Variants in TALDO1 observed in about 807,000 individuals in gnomAD.
The protein encoded by TALDO1 is transaldolase.
A neutral mutation model predicts 38.1 loss-of-function variants in TALDO1; 29 were observed. That is an observed-to-expected ratio of 0.76 (90% CI 0.57 to 1.04). TALDO1 has a LOEUF of 1.04. TALDO1 is among the 50% of genes least tolerant of loss of function. The pLI is 0.00. For missense variants in TALDO1, 499 were observed against 438.1 expected (o/e 1.14, Z -1.24); for synonymous variants, 207 against 176.8 (o/e 1.17, Z -1.36).
chr11:758,407 A>G (rs1418749986), intron 2 of TALDO1, among the ~76,000 whole-genome samples: 8 of 151,876 alleles, frequency 5.3e-5, no homozygotes, highest in Admixed American at 1.3e-4. Flanking sequence ...TAATCACACT[A>G]CTGTGCTTCC....
chr11:755,473 G>C (rs1301391808), intron 1 of TALDO1, among the ~76,000 whole-genome samples: 5 of 152,152 alleles, frequency 3.3e-5, no homozygotes, highest in Non-Finnish European at 7.4e-5. Flanking sequence ...TGTTGCAGCT[G>C]GGTATGGTGA....
intron 3 of TALDO1, 33 bp downstream of exon 3, chr11:759,090 G>T (rs1862890491): frequency 6.3e-7 from 1 of 1,582,258 alleles, no homozygotes. Flanking sequence ...TGGATGGGCT[G>T]GTCAGGTGTC....
chr11:764,030 C>T (rs1863006517), intron 6 of TALDO1, 86 bp downstream of exon 6: 3 of 1,514,604 alleles, frequency 2.0e-6, no homozygotes, highest in African/African-American at 1.4e-5. Context: ...ATCCCTCCCA[C>T]CTGTGGGGCG....
intron 2 of TALDO1, among the ~76,000 whole-genome samples, chr11:757,289 AT>A (rs555623617): frequency 0.12 from 16,665 of 135,484 alleles, 1,134 homozygotes; most frequent in African/African-American, 0.23. Context: ...ATGGCCCCAA[AT>A]TTTTTTTTTT....
Position 755,997 on chromosome 11 carries a change from G to T in TALDO1, c.216G>T (p.Leu72=). The change falls in exon 2 of 8, where the codon CTG becomes CTT. Residue 72 remains leucine (L), a synonymous_variant. Transcript: ENST00000319006. Reference sequence around the variant, plus strand: ...AGGCGATTGCCTATGGCCGGAAGCTGGGCGGGTGAGTGCCTGGACTCGGGA... The same window carrying T: ...AGGCGATTGCCTATGGCCGGAAGCTTGGCGGGTGAGTGCCTGGACTCGGGA... ...VEEAIAYGRK[L]GGSQEDQIKN... 1 of 1,612,844 alleles carries T rather than the reference G, an allele frequency of 6.2e-7. No individual in the cohort carries two copies. Among genetic ancestry groups the T allele is most frequent in the South Asian group, 1.1e-5 (1 of 90,924 alleles).
At position 755,901 on chromosome 11, in the gene TALDO1, G is replaced by A. The variant is rs774210869; in HGVS notation, c.120G>A (p.Gln40=). The change falls in exon 2 of 8, where the codon CAG becomes CAA. Residue 40 remains glutamine, a synonymous_variant. Coordinates refer to ENST00000319006, the MANE Select transcript of TALDO1 (RefSeq NM_006755.2). ...TAGCCATCGACGAGTACAAGCCCCA[G>A]GATGCTACCACCAACCCGTCCCTGA... ...DFHAIDEYKP[Q]DATTNPSLIL... is the part of the protein sequence containing the mutation. 2 of 1,614,064 alleles carry A rather than the reference G, an allele frequency of 1.2e-6. No homozygotes were observed. The highest frequency in any genetic ancestry group is 2.7e-5 in the African/African-American group (2 of 74,932).
rs765835310 is a variant in TALDO1 at position 763,756 on chromosome 11, G to C, written c.647G>C (p.Ser216Thr). Residue 216 changes from serine (S) to threonine (T), a missense_variant, in exon 6 of 8, where the codon AGT becomes ACT. By Grantham distance (58) the Ser-to-Thr change is moderately conservative. Coordinates refer to ENST00000319006, the MANE Select transcript of TALDO1 (RefSeq NM_006755.2). ...YEPLEDPGVK[S>T]VTKIYNYYKK... ...CTTGGTCTCTTTCCAGGGGTAAAGA[G>C]TGTCACTAAAATCTACAACTACTAC... 2.5e-6 allele frequency: 4 copies of C among 1,614,032 alleles called. No homozygotes were observed. Among genetic ancestry groups the C allele is most frequent in the Non-Finnish European group, 2.5e-6 (3 of 1,180,026 alleles).
rs775352129 is a variant in TALDO1 at position 759,042 on chromosome 11, C to T, written c.314C>T (p.Thr105Ile). 3.6e-5 allele frequency: 58 copies of T among 1,612,242 alleles called. No individual in the cohort carries two copies. The Middle Eastern group carries it at 6.6e-4, about 18-fold the overall frequency. ...ILKKIPGRVS[T>I]EVDARLSFDK... ...AAGAAGATTCCGGGCCGAGTATCCA[C>T]AGAAGTAGACGCAAGGTAAGGATGC... Residue 105 changes from threonine to isoleucine, a missense_variant, in exon 3 of 8, where the codon ACA (threonine) becomes ATA (isoleucine). Physicochemically the swap from Thr to Ile is moderately conservative, Grantham distance 89 (BLOSUM62 -1). Transcript: ENST00000319006.
In TALDO1 at chr11:764,459, A is replaced by G. The variant is rs554106316; in HGVS notation, c.981+26A>G. ...GTGAGTGTTGTGTGTGGGTACCTACATATGCCAAGCCCTATGAGAGCCCGG... is the reference window on the plus strand; with the variant it reads ...GTGAGTGTTGTGTGTGGGTACCTACGTATGCCAAGCCCTATGAGAGCCCGG... On this transcript the variant is annotated intron_variant, in intron 7 of 7. Transcript: ENST00000319006. 2.9e-5 allele frequency: 46 copies of G among 1,607,450 alleles called. No homozygotes were observed. In the South Asian group the frequency reaches 4.5e-4, roughly 16 times the overall value.
chr11:764,716 C>T (rs1863019381), intron 7 of TALDO1, 97 bp from the exon 8 acceptor site: 1 of 1,590,262 alleles, frequency 6.3e-7, no homozygotes, highest in Non-Finnish European at 8.6e-7. Context: ...AGTGCAGACC[C>T]CACAAGGGCC....
At chr11:758,601 G>A (rs1044293719) in intron 2 of TALDO1, among the ~76,000 whole-genome samples, 54 of 151,906 alleles carry the variant, frequency 3.6e-4, no homozygotes, top group African/African-American at 1.3e-3. Flanking sequence ...TTGAACCTCA[G>A]AAGCTTCTTT....
chr11:756,172 A>T, intron 2 of TALDO1, 170 bp downstream of exon 2: 2 of 928,284 alleles, frequency 2.2e-6, no homozygotes. Flanking sequence ...TGCATGAAGT[A>T]ACCTGCACCT....
chr11:752,061 C>A (rs955685240), intron 1 of TALDO1, among the ~76,000 whole-genome samples: 2 of 151,760 alleles, frequency 1.3e-5, no homozygotes, highest in Non-Finnish European at 2.9e-5. Context: ...AATAAATTAT[C>A]TACTTGCTTT....
chr11:763,283 C>CCCTCACCAT (rs1564994123), intron 4 of TALDO1, 61 bp from the exon 5 acceptor site: 1 of 297,136 alleles, frequency 3.4e-6, no homozygotes, highest in African/African-American at 4.0e-5. Context: ...CCCTCACCCG[C>CCCTCACCAT]CCCCGCCCTC....
intron 2 of TALDO1, among the ~76,000 whole-genome samples, chr11:757,775 G>GGATGAT (rs1436904124): frequency 6.6e-6 from 1 of 152,192 alleles, no homozygotes; most frequent in Non-Finnish European, 1.5e-5. Flanking sequence ...ATGCAGTTTG[G>GGATGAT]GATGATGAAA....
In TALDO1 at chr11:763,328, T is replaced by A; in HGVS notation, c.462-16T>A. 2 of 1,347,874 alleles carry A rather than the reference T, an allele frequency of 1.5e-6. No homozygotes were observed. The highest frequency in any genetic ancestry group is 2.0e-6 in the Non-Finnish European group (2 of 1,007,432). The allele number at this position is 1,347,874 out of a possible 1,614,324, so 83.5% of individuals were successfully genotyped here. Reference sequence around the variant, plus strand: ...CGCCCTCACCTGCCCCGCCCTCACCTGTCCCCGCCCCGCAGGGAGCTCGAG... The same window carrying A: ...CGCCCTCACCTGCCCCGCCCTCACCAGTCCCCGCCCCGCAGGGAGCTCGAG... On this transcript the variant is annotated splice_polypyrimidine_tract_variant and intron_variant, in intron 4 of 7. Coordinates refer to ENST00000319006, the MANE Select transcript of TALDO1 (RefSeq NM_006755.2).
At chr11:754,029 G>C (rs1862793124) in intron 1 of TALDO1, among the ~76,000 whole-genome samples, 1 of 151,816 alleles carries the variant, frequency 6.6e-6, no homozygotes, top group African/African-American at 2.4e-5. Context: ...CCATTGCCCA[G>C]GCTGTAGTGC....
intron 2 of TALDO1, among the ~76,000 whole-genome samples, chr11:757,656 C>A (rs1012510648): frequency 2.0e-5 from 3 of 152,176 alleles, no homozygotes; most frequent in African/African-American, 7.2e-5. Flanking sequence ...AGTGGGCTAA[C>A]AAGGCTGCTC....
intron 4 of TALDO1, among the ~76,000 whole-genome samples, chr11:762,180 T>G (rs1356142188): frequency 1.3e-5 from 2 of 152,034 alleles, no homozygotes; most frequent in Non-Finnish European, 2.9e-5. Context: ...GTCAGGCTGA[T>G]CTCAAACTCC....
Sources: allele counts gnomAD v4.1 joint callset (sites outside exome capture counted in the v4.1 genomes callset), GRCh38; gene constraint gnomAD v4.1.1; transcripts MANE v1.5; gene names NCBI Gene and HGNC (gene_info 2026-07-23, HGNC 2026-07-21).